The following CDC42BPB variants were observed in gnomAD, a reference collection of about 807,000 sequenced individuals.
The protein encoded by CDC42BPB is serine/threonine-protein kinase MRCK beta.
Under a neutral mutation model 214.9 loss-of-function variants are expected in CDC42BPB, and 37 were observed. The observed-to-expected ratio is 0.17, with a 90% confidence interval of 0.13 to 0.23. CDC42BPB has a LOEUF of 0.23. Ranked by LOEUF, CDC42BPB falls within the 10% of genes least tolerant of loss-of-function variation. The pLI, the probability that CDC42BPB is intolerant of heterozygous loss-of-function variation, is 1.00. For missense variants in CDC42BPB, 1,694 were observed against 2,227.0 expected, an observed-to-expected ratio of 0.76 and a Z score of 4.82; for synonymous variants, 931 against 884.0, an observed-to-expected ratio of 1.05 and a Z score of -0.94.
At chr14:103,054,002 A>G (rs948065505) in intron 1 of CDC42BPB, among the ~76,000 whole-genome samples, 8 of 151,822 alleles carry the variant, frequency 5.3e-5, no homozygotes, top group Admixed American at 2.0e-4. Context: ...CACCATGCCC[A>G]GCTAATTTTT....
At chr14:102,968,187 AAATAAT>A (rs1488382121) in intron 16 of CDC42BPB, 60 bp downstream of exon 16, 8 of 1,176,556 alleles carry the variant, frequency 6.8e-6, no homozygotes, top group South Asian at 3.8e-5. Flanking sequence ...CACAAATTAA[AAATAAT>A]TTTTTTTTAA....
chr14:102,956,045 G>GT (rs1314576523), intron 21 of CDC42BPB, among the ~76,000 whole-genome samples: 1 of 152,166 alleles, frequency 6.6e-6, no homozygotes, highest in Non-Finnish European at 1.5e-5. Context: ...CATAAACAAG[G>GT]TATGTTAAGT....
intron 12 of CDC42BPB, among the ~76,000 whole-genome samples, chr14:102,972,918 T>A (rs187951888): frequency 6.6e-6 from 1 of 152,082 alleles, no homozygotes; most frequent in Non-Finnish European, 1.5e-5. Context: ...GTGCTGAAGG[T>A]GAAGTCACAG....
chr14:103,048,829 A>T (rs1412864166), intron 1 of CDC42BPB, among the ~76,000 whole-genome samples: 1 of 150,958 alleles, frequency 6.6e-6, no homozygotes, highest in Non-Finnish European at 1.5e-5. Context: ...AGCCAAGATC[A>T]TGCCACTGCA....
intron 1 of CDC42BPB, among the ~76,000 whole-genome samples, chr14:103,054,490 C>G (rs1888830302): frequency 1.3e-5 from 2 of 152,162 alleles, no homozygotes; most frequent in Admixed American, 1.3e-4. Flanking sequence ...CCTAATATTG[C>G]TCTATAAATA....
chr14:102,964,773 T>C (rs1173534508), intron 18 of CDC42BPB, 123 bp from the exon 19 acceptor site: 9 of 1,338,562 alleles, frequency 6.7e-6, no homozygotes, highest in Non-Finnish European at 8.6e-6. Flanking sequence ...ATATTAACTC[T>C]AAATTATGGA....
intron 36 of CDC42BPB, among the ~76,000 whole-genome samples, chr14:102,934,548 CA>C (rs1189918772): frequency 1.3e-5 from 2 of 151,146 alleles, no homozygotes; most frequent in East Asian, 3.9e-4. Flanking sequence ...CAAAACAAAA[CA>C]AAAAAAACAA....
chr14:102,934,139 G>T, intron 36 of CDC42BPB: 2 of 663,520 alleles, frequency 3.0e-6, no homozygotes, highest in Non-Finnish European at 4.1e-6. Flanking sequence ...GCTCCTGCCT[G>T]TAATCCCAGC....
rs746522635 is a variant in CDC42BPB at position 102,944,257 on chromosome 14, C to T, written c.4042G>A (p.Val1348Met). 75 of 1,613,160 alleles carry T rather than the reference C, an allele frequency of 4.6e-5. No homozygotes were observed. The highest frequency in any genetic ancestry group is 5.3e-5 in the Non-Finnish European group (63 of 1,180,046). The change falls in exon 30 of 37, where the codon GTG becomes ATG. Residue 1348 changes from valine to methionine, a missense_variant. Physicochemically the swap from Val to Met is conservative, Grantham distance 21. This residue lies in a region of CDC42BPB where 567 missense variants were observed against 790.3 expected (regional missense o/e 0.72). Transcript: ENST00000361246. This position sits in a 1 kb window ranked among gnomAD's most constrained non-coding sequence, Gnocchi z 6.6. ...RNSGTCLFVA[V>M]KRLILCYEIQ... ...TCATAGCAAAGGATCAGCCGTTTCA[C>T]GGCCACAAACAGGCAGGTGCCAGAG...
intron 1 of CDC42BPB, among the ~76,000 whole-genome samples, chr14:103,053,295 C>G (rs921349508): frequency 8.6e-5 from 13 of 151,634 alleles, no homozygotes; most frequent in Non-Finnish European, 1.2e-4. Flanking sequence ...TGCAGTGAGC[C>G]AAGATCGCAC....
At chr14:102,951,133 G>A (rs1457407639) in intron 24 of CDC42BPB, among the ~76,000 whole-genome samples, 1 of 152,230 alleles carries the variant, frequency 6.6e-6, no homozygotes, top group African/African-American at 2.4e-5. Flanking sequence ...GCCCATGGCA[G>A]AAGCCTGCTT....
intron 23 of CDC42BPB, among the ~76,000 whole-genome samples, chr14:102,953,423 A>C (rs560547091): frequency 2.0e-5 from 3 of 152,162 alleles, no homozygotes; most frequent in Non-Finnish European, 4.4e-5. Flanking sequence ...TTGGTCCCTG[A>C]CTCTGCAAGA....
intron 1 of CDC42BPB, among the ~76,000 whole-genome samples, chr14:103,048,182 G>A (rs866153160): frequency 1.6e-4 from 24 of 152,254 alleles, no homozygotes; most frequent in Middle Eastern, 6.8e-3. Context: ...ATTATGTGAG[G>A]TGTTTAATGG....
chr14:102,940,147 G>C lies in CDC42BPB; in HGVS notation c.4507-17C>G. On this transcript the variant is annotated splice_polypyrimidine_tract_variant and intron_variant, in intron 31 of 36. Coordinates refer to ENST00000361246, the MANE Select transcript of CDC42BPB (RefSeq NM_006035.4). ...GGGCCTTATCTGGATTGGAAACCAGGGAGGGACAGTAAGCGCGGCCACGCA... is the reference window on the plus strand; with the variant it reads ...GGGCCTTATCTGGATTGGAAACCAGCGAGGGACAGTAAGCGCGGCCACGCA... 6.2e-7 allele frequency: 1 copy of C among 1,614,074 alleles called. No homozygotes were observed. The highest frequency in any genetic ancestry group is 1.3e-5 in the African/African-American group (1 of 75,054).
chr14:103,010,496 T>C (rs1449450412), intron 2 of CDC42BPB, among the ~76,000 whole-genome samples: 4 of 152,152 alleles, frequency 2.6e-5, no homozygotes, highest in Non-Finnish European at 5.9e-5. Context: ...TTCCCTAAAG[T>C]ACTGATTTGC....
rs776736887 is a variant in CDC42BPB, at chr14:102,976,092, T to C, written c.1221-43A>G. 6.3e-6 allele frequency: 10 copies of C among 1,597,076 alleles called. 1 individual carries two copies. In the East Asian group the frequency reaches 2.2e-4, roughly 36 times the overall value. ...AGGTTTTTTTGATCTACTGAAAATT[T>C]AGCGATTTCATTAGCATTTTCAATC... On this transcript the variant is annotated intron_variant, in intron 9 of 36. Coordinates refer to ENST00000361246, the MANE Select transcript of CDC42BPB (RefSeq NM_006035.4).
In CDC42BPB at chr14:103,001,243, G is replaced by A. The variant is rs1566894077; in HGVS notation, c.448-1530C>T. Among the ~76,000 whole-genome samples, 3 of 152,254 alleles carry A rather than the reference G, an allele frequency of 2.0e-5. No homozygotes were observed. The highest frequency in any genetic ancestry group is 2.1e-4 in the South Asian group (1 of 4,828). On this transcript the variant is annotated intron_variant, in intron 4 of 36. Coordinates refer to ENST00000361246, the MANE Select transcript of CDC42BPB (RefSeq NM_006035.4). This position sits in a 1 kb window ranked among gnomAD's most constrained non-coding sequence, Gnocchi z 5.8. ...AGTTTTTCAATTTGTTCATTCGCTC[G>A]TGCACCCTCACTGTGGCCCCGCCAG...
rs74085552 is a variant in CDC42BPB, at chr14:102,968,916, G to T, written c.1996-200C>A. ...CACAGCAGGAGACGGCCTTGCAGGG[G>T]GATGTGCCCAGGTCTGCCTGGGACC... On this transcript the variant is annotated intron_variant, in intron 14 of 36. Coordinates refer to ENST00000361246, the MANE Select transcript of CDC42BPB (RefSeq NM_006035.4). 781 of 985,176 alleles carry T rather than the reference G, an allele frequency of 7.9e-4. 5 individuals are homozygous for T. The African/African-American group carries it at 0.013, about 16-fold the overall frequency. 61.0% of individuals were successfully genotyped at this position (985,176 alleles called of 1,614,324 possible). A position where few individuals can be genotyped will look rare whatever the true frequency, so the allele number is the denominator to read the frequency against.
intron 11 of CDC42BPB, among the ~76,000 whole-genome samples, chr14:102,975,445 C>A (rs1379558732): frequency 6.6e-6 from 1 of 152,172 alleles, no homozygotes; most frequent in Non-Finnish European, 1.5e-5. Flanking sequence ...ATCGCTTGAA[C>A]CCAGGAGGTG....
Sources: allele counts gnomAD v4.1 joint callset (sites outside exome capture counted in the v4.1 genomes callset), GRCh38; gene constraint gnomAD v4.1.1; regional missense constraint gnomAD v4.1.1; non-coding constraint Gnocchi (gnomAD v3.1); transcripts MANE v1.5; gene names NCBI Gene and HGNC (gene_info 2026-07-23, HGNC 2026-07-21).